OXTR: variants seen among roughly 807,000 people sequenced by gnomAD.
The protein encoded by OXTR is oxytocin receptor.
In OXTR, 19 loss-of-function variants were observed where a neutral mutation model predicts 23.9. That is an observed-to-expected ratio of 0.80 (90% CI 0.56 to 1.17). The LOEUF (loss-of-function observed/expected upper bound fraction) is 1.17. OXTR is among the 50% of genes most tolerant of loss of function. The pLI is 0.00. For synonymous variants in OXTR, 278 were observed against 250.5 expected (o/e 1.11, Z -1.04); for missense variants, 500 against 550.7 (o/e 0.91, Z 0.92).
At position 8,765,101 on chromosome 3, in the gene OXTR, C is replaced by A. The variant is rs140863942; in HGVS notation, c.922+2165G>T. Among the ~76,000 whole-genome samples, 559 of 152,336 alleles carry A rather than the reference C, an allele frequency of 3.7e-3. 3 individuals are homozygous for A. The highest frequency in any genetic ancestry group is 0.013 in the African/African-American group (531 of 41,584). Reference sequence around the variant, plus strand: ...AAGAGGCCTATGACCTCCACTCTGGCCAGGATCTGTGTGTGTCTGTTTTTT... The same window carrying A: ...AAGAGGCCTATGACCTCCACTCTGGACAGGATCTGTGTGTGTCTGTTTTTT... On this transcript the variant is annotated intron_variant, in intron 3 of 3. Transcript: ENST00000316793.
chr3:8,749,807 T>C (rs958388878), downstream of OXTR, among the ~76,000 whole-genome samples: 3 of 152,196 alleles, frequency 2.0e-5, no homozygotes, highest in African/African-American at 7.2e-5. Flanking sequence ...CTCTAGACAA[T>C]GCTAGCTCAT....
downstream of OXTR, among the ~76,000 whole-genome samples, chr3:8,748,261 T>C (rs1248783326): frequency 3.3e-5 from 5 of 152,176 alleles, no homozygotes; most frequent in Non-Finnish European, 5.9e-5. Context: ...TTTTAAGAAA[T>C]ATTTGTTAGG....
In OXTR at chr3:8,752,867, T is replaced by C; in HGVS notation, c.*110A>G. On this transcript the variant is annotated 3_prime_UTR_variant, in exon 4 of 4. Coordinates refer to ENST00000316793, the MANE Select transcript of OXTR (RefSeq NM_000916.4). ...GAAGCCACCCCAAGGAGGGGAGGGA[T>C]ACAAACTGATAGGTACCTTATACAC... 2.5e-6 allele frequency: 3 copies of C among 1,224,128 alleles called. No homozygotes were observed. Among genetic ancestry groups the C allele is most frequent in the Non-Finnish European group, 3.3e-6 (3 of 903,298 alleles). The allele number at this position is 1,224,128 out of a possible 1,614,324, so 75.8% of individuals were successfully genotyped here. A position where few individuals can be genotyped will look rare whatever the true frequency, so the allele number is the denominator to read the frequency against.
At chr3:8,745,617 A>T (rs1447903804), downstream of OXTR, 1 of 1,614,106 alleles carries the variant, frequency 6.2e-7, no homozygotes, top group East Asian at 2.2e-5. This position sits in a 1 kb window ranked among gnomAD's most constrained non-coding sequence, Gnocchi z 4.8. Flanking sequence ...ACTGTCTCCA[A>T]GTACTGGTGC....
rs1708272163 is a variant in OXTR at position 8,752,040 on chromosome 3, A to G, written c.*937T>C. On this transcript the variant is annotated 3_prime_UTR_variant, in exon 4 of 4. Coordinates refer to ENST00000316793, the MANE Select transcript of OXTR (RefSeq NM_000916.4). Reference sequence around the variant, plus strand: ...TTAAGCCTTCTTTAATTTCTTTCCAATTTTGTAGTTTTCAGTCTTGCACTT... The same window carrying G: ...TTAAGCCTTCTTTAATTTCTTTCCAGTTTTGTAGTTTTCAGTCTTGCACTT... 6.6e-6 allele frequency: 1 copy of G among 152,014 alleles called. No homozygotes were observed. The highest frequency in any genetic ancestry group is 1.5e-5 in the Non-Finnish European group (1 of 67,988). 9.4% of individuals were successfully genotyped at this position (152,014 alleles called of 1,614,324 possible). A position where few individuals can be genotyped will look rare whatever the true frequency, so the allele number is the denominator to read the frequency against.
rs1027458168 is a variant in OXTR at position 8,752,991 on chromosome 3, GC to G, written c.1155del (p.Gln385HisfsTer16). On this transcript the variant is annotated frameshift_variant, in exon 4 of 4. Coordinates refer to ENST00000316793, the MANE Select transcript of OXTR (RefSeq NM_000916.4). LOFTEE classifies it high-confidence loss of function. ...TGGCTGGTGGGTCACGCCGTGGATG[GC>G]TGGGAGCAGCTCCTCTGGCTGGAGC... ...HRSSSQRSCS[Q>X]PSTA 1 of 1,611,726 alleles carries G rather than the reference GC, an allele frequency of 6.2e-7. No individual in the cohort carries two copies. Among genetic ancestry groups the G allele is most frequent in the Non-Finnish European group, 8.5e-7 (1 of 1,178,292 alleles).
At chr3:8,744,275 A>ATTTTTTT in the OXTR span, among the ~76,000 whole-genome samples, 22 of 120,844 alleles carry the variant, frequency 1.8e-4, no homozygotes, top group African/African-American at 7.9e-4. Context: ...GACCAGTGGA[A>ATTTTTTT]TTTTTTTTTT....
chr3:8,767,855 C>A lies in OXTR; in HGVS notation c.333G>T (p.Leu111=). 1 of 1,613,058 alleles carries A rather than the reference C, an allele frequency of 6.2e-7. No individual in the cohort carries two copies. Among genetic ancestry groups the A allele is most frequent in the Non-Finnish European group, 8.5e-7 (1 of 1,179,550 alleles). The change falls in exon 3 of 4, where the codon CTG becomes CTT. Residue 111 remains leucine (L), a synonymous_variant. Coordinates refer to ENST00000316793, the MANE Select transcript of OXTR (RefSeq NM_000916.4). ...ITFRFYGPDL[L]CRLVKYLQVV... Reference sequence around the variant, plus strand: ...CCTGCAAGTACTTGACCAGGCGGCACAGCAGGTCGGGCCCGTAGAAGCGGA... The same window carrying A: ...CCTGCAAGTACTTGACCAGGCGGCAAAGCAGGTCGGGCCCGTAGAAGCGGA...
At chr3:8,764,229 C>T (rs73810977) in intron 3 of OXTR, among the ~76,000 whole-genome samples, 2,810 of 152,256 alleles carry the variant, frequency 0.018, 86 homozygotes, top group African/African-American at 0.064. Context: ...TGGCTAAGCT[C>T]CCCTACCTCC....
the OXTR span, among the ~76,000 whole-genome samples, chr3:8,743,917 A>AT: frequency 3.8e-3 from 581 of 152,008 alleles, 5 homozygotes; most frequent in African/African-American, 0.013. Flanking sequence ...TGATATGGCC[A>AT]TTTTTTTTAT....
At chr3:8,760,305 G>A (rs1336613077) in intron 3 of OXTR, among the ~76,000 whole-genome samples, 1 of 152,224 alleles carries the variant, frequency 6.6e-6, no homozygotes, top group Non-Finnish European at 1.5e-5. Context: ...CCCTCCCAGA[G>A]GTCTGTGGGT....
intron 3 of OXTR, among the ~76,000 whole-genome samples, chr3:8,756,960 G>A (rs960989234): frequency 3.3e-5 from 5 of 152,284 alleles, no homozygotes; most frequent in South Asian, 4.2e-4. Flanking sequence ...GCTATGCAGC[G>A]AGCACCTTCT....
chr3:8,761,357 G>A (rs1402737898), intron 3 of OXTR, among the ~76,000 whole-genome samples: 2 of 152,172 alleles, frequency 1.3e-5, no homozygotes, highest in Non-Finnish European at 2.9e-5. Flanking sequence ...GTTGCAGGAA[G>A]AGCCCAAGAT....
At chr3:8,765,688 T>C (rs1708590611) in intron 3 of OXTR, among the ~76,000 whole-genome samples, 1 of 152,208 alleles carries the variant, frequency 6.6e-6, no homozygotes, top group South Asian at 2.1e-4. Flanking sequence ...CTACTGGCTT[T>C]TGCCCAACCC....
chr3:8,762,188 C>T (rs1237646499), intron 3 of OXTR, among the ~76,000 whole-genome samples: 1 of 152,168 alleles, frequency 6.6e-6, no homozygotes, highest in Non-Finnish European at 1.5e-5. Context: ...GATCCGAGGC[C>T]CTCCACAACC....
intron 3 of OXTR, among the ~76,000 whole-genome samples, chr3:8,754,117 G>A (rs933244702): frequency 1.3e-5 from 2 of 152,184 alleles, no homozygotes; most frequent in Non-Finnish European, 2.9e-5. Flanking sequence ...GACTCATGCA[G>A]GAAAAAGAAA....
rs1708638559 is a variant in OXTR, at chr3:8,767,445, G to A, written c.743C>T (p.Ala248Val). The change falls in exon 3 of 4, where the codon GCG (alanine) becomes GTG (valine). Residue 248 changes from alanine to valine, a missense_variant. By Grantham distance (64) the Ala-to-Val change is moderately conservative. Transcript: ENST00000316793. ...AAAAEAPEGA[A>V]AGDGGRVALA... Reference sequence around the variant, plus strand: ...GGCCACGCGCCCCCCATCGCCAGCCGCCGCGCCCTCTGGCGCCTCGGCCGC... The same window carrying A: ...GGCCACGCGCCCCCCATCGCCAGCCACCGCGCCCTCTGGCGCCTCGGCCGC... The A allele has an allele frequency of 1.9e-6, 3 of 1,603,150 alleles. No individual in the cohort carries two copies. The highest frequency in any genetic ancestry group is 2.2e-5 in the East Asian group (1 of 44,506).
rs1708683914 is a variant in OXTR, at chr3:8,768,249, C to G, written c.-62G>C. On this transcript the variant is annotated 5_prime_UTR_variant, in exon 3 of 4. Transcript: ENST00000316793. The surrounding 1 kb of genome is among the most constrained non-coding windows in gnomAD (Gnocchi z 5.4). ...CCTTTACGGCTTGGCGCGGCTGGGC[C>G]GGATCCGGCGTGTCGGAGGGTGTAG... is the stretch of plus-strand genomic sequence containing the variant. 3 of 1,258,560 alleles carry G rather than the reference C, an allele frequency of 2.4e-6. No homozygotes were observed. Among genetic ancestry groups the G allele is most frequent in the Non-Finnish European group, 3.0e-6 (3 of 1,006,764 alleles). 78.0% of individuals were successfully genotyped at this position (1,258,560 alleles called of 1,614,324 possible).
At chr3:8,753,798 G>C (rs1010877676) in intron 3 of OXTR, among the ~76,000 whole-genome samples, 1 of 138,784 alleles carries the variant, frequency 7.2e-6, no homozygotes, top group African/African-American at 2.7e-5. Flanking sequence ...CTGCTATCAC[G>C]ACCATGTGCC....
Sources: allele counts gnomAD v4.1 joint callset (sites outside exome capture counted in the v4.1 genomes callset), GRCh38; gene constraint gnomAD v4.1.1; non-coding constraint Gnocchi (gnomAD v3.1); transcripts MANE v1.5; gene names NCBI Gene and HGNC (gene_info 2026-07-23, HGNC 2026-07-21).